Variants in GABRA2 observed in about 807,000 individuals in gnomAD.
The protein encoded by GABRA2 is gamma-aminobutyric acid receptor subunit alpha-2.
In GABRA2, 16 loss-of-function variants were observed where a neutral mutation model predicts 48.7. The observed-to-expected ratio is 0.33, with a 90% CI of 0.22 to 0.50. GABRA2 has a LOEUF of 0.50. GABRA2 is among the 20% of genes least tolerant of loss of function. The pLI, the probability that GABRA2 is intolerant of heterozygous loss-of-function variation, is 0.98. For missense variants in GABRA2, 275 were observed against 535.6 expected (o/e 0.51, Z 4.80); for synonymous variants, 185 against 184.5 (o/e 1.00, Z -0.02).
chr4:46,270,177 A>T (rs1719053971), intron 8 of GABRA2, among the ~76,000 whole-genome samples: 1 of 152,024 alleles, frequency 6.6e-6, no homozygotes, highest in Non-Finnish European at 1.5e-5. Context: ...AGTCTTCCCC[A>T]TATCTAAATT....
In GABRA2 at chr4:46,352,557, T is replaced by C. The variant is rs1442055; in HGVS notation, c.188-19875A>G. Among the ~76,000 whole-genome samples, 29 of 152,094 alleles carry C rather than the reference T, an allele frequency of 1.9e-4. No individual in the cohort carries two copies. The South Asian group carries it at 6.0e-3, about 32-fold the overall frequency. On this transcript the variant is annotated intron_variant, in intron 3 of 9. Transcript: ENST00000381620. The stretch of plus-strand genomic sequence containing the variant: ...GAAATGCATCATTTCCTGAAAGCAT[T>C]GTGGCAATTCTCTTCAGTTCCTAAG...
At chr4:46,380,088 G>A (rs918742708) in intron 3 of GABRA2, among the ~76,000 whole-genome samples, 4 of 152,134 alleles carry the variant, frequency 2.6e-5, no homozygotes, top group Admixed American at 2.0e-4. Flanking sequence ...CCAGCTTAGG[G>A]TGGTGACTAT....
intron 3 of GABRA2, among the ~76,000 whole-genome samples, chr4:46,383,265 C>A (rs1224699576): frequency 6.6e-6 from 1 of 152,036 alleles, no homozygotes; most frequent in Non-Finnish European, 1.5e-5. Context: ...AAATATAGAT[C>A]CAGAGAGGCT....
intron 3 of GABRA2, among the ~76,000 whole-genome samples, chr4:46,360,598 C>G (rs184412791): frequency 6.6e-4 from 101 of 152,238 alleles, no homozygotes; most frequent in African/African-American, 2.4e-3. Context: ...TGAAAATGGA[C>G]TAATACAGTA....
intron 3 of GABRA2, among the ~76,000 whole-genome samples, chr4:46,357,538 T>A (rs1196959794): frequency 6.6e-6 from 1 of 151,382 alleles, no homozygotes; most frequent in East Asian, 1.9e-4. Flanking sequence ...TCCTCAATCA[T>A]CTATTCAAAT....
intron 4 of GABRA2, among the ~76,000 whole-genome samples, chr4:46,324,645 G>C (rs1730025123): frequency 6.6e-6 from 1 of 151,672 alleles, no homozygotes; most frequent in Admixed American, 6.6e-5. Context: ...CATGTTGCTG[G>C]GGTATGATGT....
At chr4:46,336,823 G>T (rs571036670) in intron 3 of GABRA2, among the ~76,000 whole-genome samples, 3 of 151,812 alleles carry the variant, frequency 2.0e-5, no homozygotes, top group Non-Finnish European at 2.9e-5. Context: ...TGATGGGGGT[G>T]GTCACTGTTA....
At chr4:46,340,802 C>T (rs1274179683) in intron 3 of GABRA2, among the ~76,000 whole-genome samples, 2 of 151,932 alleles carry the variant, frequency 1.3e-5, no homozygotes, top group Non-Finnish European at 2.9e-5. Flanking sequence ...ACTTCCTAAC[C>T]ATTATTTCTT....
At chr4:46,256,340 G>C (rs780242552) in intron 9 of GABRA2, 1 of 686,278 alleles carries the variant, frequency 1.5e-6, no homozygotes, top group Non-Finnish European at 2.7e-6. Flanking sequence ...TGAGTTGTAT[G>C]TTAATGTAAT....
intron 8 of GABRA2, among the ~76,000 whole-genome samples, chr4:46,270,530 A>G (rs1226496123): frequency 2.0e-5 from 3 of 151,748 alleles, no homozygotes; most frequent in Non-Finnish European, 2.9e-5. Context: ...TCTTTTTTTT[A>G]TCACCTCTGT....
At chr4:46,376,143 C>T (rs947469702) in intron 3 of GABRA2, among the ~76,000 whole-genome samples, 3 of 152,168 alleles carry the variant, frequency 2.0e-5, no homozygotes, top group South Asian at 2.1e-4. Flanking sequence ...GCATATCACA[C>T]TCTTTCAATA....
intron 9 of GABRA2, among the ~76,000 whole-genome samples, chr4:46,251,485 TG>T (rs1373609134): frequency 2.0e-5 from 3 of 151,462 alleles, no homozygotes; most frequent in African/African-American, 4.8e-5. Context: ...CTTGCTTTGG[TG>T]CCACGCTTTT....
chr4:46,344,954 T>G (rs908130901), intron 3 of GABRA2, among the ~76,000 whole-genome samples: 2 of 151,952 alleles, frequency 1.3e-5, no homozygotes, highest in Non-Finnish European at 2.9e-5. Context: ...CCATATGATA[T>G]GGGTTGGCTC....
intron 3 of GABRA2, chr4:46,363,663 A>T (rs1713578923): frequency 6.6e-6 from 1 of 152,186 alleles, no homozygotes; most frequent in Non-Finnish European, 1.5e-5. Flanking sequence ...ACATTTTGAG[A>T]ATGTTTAGTA....
chr4:46,321,811 C>A (rs185969872), intron 4 of GABRA2, among the ~76,000 whole-genome samples: 5 of 152,128 alleles, frequency 3.3e-5, no homozygotes, highest in Admixed American at 3.3e-4. Context: ...CCATACTCAA[C>A]AAAAGGGTGG....
rs116427153 is a variant in GABRA2 at position 46,331,426 on chromosome 4, G to A, written c.255+1189C>T. On this transcript the variant is annotated intron_variant, in intron 4 of 9. Transcript: ENST00000381620. ...ATTTAGGTTCTCTAACGGAAACGTA[G>A]GGAGCTCCTATTAAATTAGCTGATA... Among the ~76,000 whole-genome samples, 959 of 152,158 alleles carry A rather than the reference G, an allele frequency of 6.3e-3. 12 individuals are homozygous for A. Among genetic ancestry groups the A allele is most frequent in the African/African-American group, 0.021 (886 of 41,516 alleles).
At chr4:46,254,719 C>T (rs1211645606) in intron 9 of GABRA2, among the ~76,000 whole-genome samples, 1 of 151,476 alleles carries the variant, frequency 6.6e-6, no homozygotes, top group Non-Finnish European at 1.5e-5. Flanking sequence ...GAAAGCTATG[C>T]GTGAATGACT....
chr4:46,262,965 A>G (rs1421355344), intron 8 of GABRA2, among the ~76,000 whole-genome samples: 1 of 141,546 alleles, frequency 7.1e-6, no homozygotes, highest in Admixed American at 7.0e-5. Flanking sequence ...AAAGAGAGAG[A>G]GAGAGAGAGA....
At position 46,331,156 on chromosome 4, in the gene GABRA2, G is replaced by A. The variant is rs78338690; in HGVS notation, c.255+1459C>T. On this transcript the variant is annotated intron_variant, in intron 4 of 9. Transcript: ENST00000381620. ...AATAGGATTTTTTCCTCTTGTACCA[G>A]AATTGTGCCTAAGACCCAGAGTTGA... Among the ~76,000 whole-genome samples, 25 of 152,294 alleles carry A rather than the reference G, an allele frequency of 1.6e-4. No homozygotes were observed. In the East Asian group the frequency reaches 2.7e-3, roughly 17 times the overall value.
Sources: gnomAD v4.1 joint callset for allele counts (sites outside exome capture counted in the v4.1 genomes callset) on GRCh38, gnomAD v4.1.1 for gene constraint, MANE v1.5 for transcripts, NCBI Gene and HGNC (gene_info 2026-07-23, HGNC 2026-07-21) for gene names.